LRRC69: variants seen among roughly 807,000 people sequenced by gnomAD.
The protein encoded by LRRC69 is leucine-rich repeat-containing protein 69.
A neutral mutation model predicts 37.8 loss-of-function variants in LRRC69; 42 were observed. The ratio of observed to expected loss-of-function variants is 1.11; its 90% CI spans 0.87 to 1.44. LRRC69 has a LOEUF of 1.44. Among genes scored for constraint, LRRC69 ranks in the 40% most tolerant of loss-of-function variants. The pLI, the probability that LRRC69 is intolerant of heterozygous loss-of-function variation, is 0.00. For missense variants in LRRC69, 357 were observed against 401.9 expected (o/e 0.89, Z 0.96); for synonymous variants, 141 against 143.1 (o/e 0.99, Z 0.11).
At chr8:91,156,005 G>T (rs1355902165) in intron 5 of LRRC69, among the ~76,000 whole-genome samples, 1 of 149,544 alleles carries the variant, frequency 6.7e-6, no homozygotes, top group Non-Finnish European at 1.5e-5. Flanking sequence ...ACTACATATT[G>T]TACTACTGTA....
chr8:91,134,398 T>C (rs1813867673), intron 4 of LRRC69, among the ~76,000 whole-genome samples: 1 of 151,624 alleles, frequency 6.6e-6, no homozygotes, highest in African/African-American at 2.4e-5. Flanking sequence ...GGTGTAAATC[T>C]TAGAGTCTAA....
intron 5 of LRRC69, among the ~76,000 whole-genome samples, chr8:91,156,953 T>C (rs1194951794): frequency 2.0e-5 from 3 of 151,358 alleles, no homozygotes; most frequent in African/African-American, 7.3e-5. Flanking sequence ...TTCTGGGTTC[T>C]CTATTCTGTT....
Position 91,189,641 on chromosome 8 carries a change from T to A in LRRC69, c.753+18T>A. The stretch of plus-strand genomic sequence containing the variant: ...GTCTACAGGTGAAGACTTACCTCAT[T>A]AACTTAAGTCTTCAAACTAAAGCCA... On this transcript the variant is annotated intron_variant, in intron 6 of 7. Coordinates refer to ENST00000448384, the Ensembl canonical transcript of LRRC69. 1 of 1,457,324 alleles carries A rather than the reference T, an allele frequency of 6.9e-7. No individual in the cohort carries two copies. Among genetic ancestry groups the A allele is most frequent in the Non-Finnish European group, 9.3e-7 (1 of 1,077,652 alleles). 90.3% of individuals were successfully genotyped at this position (1,457,324 alleles called of 1,614,324 possible).
intron 1 of LRRC69, among the ~76,000 whole-genome samples, chr8:91,110,879 C>T (rs945996036): frequency 3.3e-5 from 5 of 151,882 alleles, no homozygotes; most frequent in Admixed American, 1.3e-4. Context: ...GCATGCAGCT[C>T]ATTAGAAGGA....
At chr8:91,183,049 C>G (rs368145511) in intron 5 of LRRC69, among the ~76,000 whole-genome samples, 6 of 152,020 alleles carry the variant, frequency 3.9e-5, no homozygotes, top group South Asian at 2.1e-4. Flanking sequence ...GCAGAAAGGC[C>G]CTAGAGTGAG....
intron 6 of LRRC69, among the ~76,000 whole-genome samples, chr8:91,196,668 G>C (rs560271235): frequency 7.8e-4 from 118 of 152,024 alleles, no homozygotes; most frequent in Non-Finnish European, 1.1e-3. Flanking sequence ...TCTTCCCGTA[G>C]TTCTCGAGCC....
intron 1 of LRRC69, among the ~76,000 whole-genome samples, chr8:91,107,827 C>T (rs1278631332): frequency 2.0e-5 from 3 of 151,996 alleles, no homozygotes; most frequent in African/African-American, 7.2e-5. Flanking sequence ...GACTGTGGCT[C>T]TTGAAATATG....
At chr8:91,213,238 G>A (rs374794365) in intron 7 of LRRC69, among the ~76,000 whole-genome samples, 186 of 152,150 alleles carry the variant, frequency 1.2e-3, no homozygotes, top group African/African-American at 4.2e-3. Context: ...TTTCTTTGTC[G>A]TTTCTGTTCT....
intron 5 of LRRC69, among the ~76,000 whole-genome samples, chr8:91,139,764 T>G (rs1388975308): frequency 6.6e-6 from 1 of 151,848 alleles, no homozygotes; most frequent in Non-Finnish European, 1.5e-5. Flanking sequence ...TTCATTATAT[T>G]TAATTTCCCA....
intron 2 of LRRC69, among the ~76,000 whole-genome samples, chr8:91,125,859 T>G (rs1813705291): frequency 6.6e-6 from 1 of 151,838 alleles, no homozygotes; most frequent in Non-Finnish European, 1.5e-5. Context: ...TTAGTTTCTA[T>G]ATTTCTTTTT....
chr8:91,173,542 A>T (rs13256248), intron 5 of LRRC69, among the ~76,000 whole-genome samples: 7,915 of 152,266 alleles, frequency 0.052, 275 homozygotes, highest in Middle Eastern at 0.16. Flanking sequence ...ACTTGTATCA[A>T]TTTACTAATA....
intron 7 of LRRC69, among the ~76,000 whole-genome samples, chr8:91,205,043 C>T (rs1809777247): frequency 6.6e-6 from 1 of 151,960 alleles, no homozygotes; most frequent in African/African-American, 2.4e-5. Flanking sequence ...TGCATCTTGT[C>T]CAAAACAAAT....
intron 5 of LRRC69, among the ~76,000 whole-genome samples, chr8:91,142,785 CCTT>C (rs1409675455): frequency 5.9e-5 from 9 of 151,984 alleles, no homozygotes; most frequent in Non-Finnish European, 1.0e-4. Flanking sequence ...TGTCAGGACT[CCTT>C]CTGCCTCTGA....
chr8:91,194,405 T>C (rs573359024), intron 6 of LRRC69, among the ~76,000 whole-genome samples: 1 of 151,958 alleles, frequency 6.6e-6, no homozygotes, highest in African/African-American at 2.4e-5. Context: ...TTGATTGGAA[T>C]AGTTTCAGAA....
intron 5 of LRRC69, among the ~76,000 whole-genome samples, chr8:91,182,990 A>G (rs1809348819): frequency 6.6e-6 from 1 of 152,182 alleles, no homozygotes; most frequent in South Asian, 2.1e-4. Context: ...ACGAACAACA[A>G]TCAGTGAGGT....
chr8:91,133,776 A>AG (rs1403937411), intron 4 of LRRC69, among the ~76,000 whole-genome samples: 1 of 151,910 alleles, frequency 6.6e-6, no homozygotes, highest in Non-Finnish European at 1.5e-5. Flanking sequence ...CTGGGATTAC[A>AG]GGCAGACACC....
chr8:91,206,946 T>G, intron 7 of LRRC69: 1 of 853,906 alleles, frequency 1.2e-6, no homozygotes, highest in Non-Finnish European at 1.5e-6. Context: ...GGGCTATGTT[T>G]CCTATGCTTT....
chr8:91,170,419 A>T (rs1482530317), intron 5 of LRRC69, among the ~76,000 whole-genome samples: 1 of 145,804 alleles, frequency 6.9e-6, no homozygotes, highest in Non-Finnish European at 1.5e-5. Context: ...GTTCATATGG[A>T]ACCAAAAAAG....
At chr8:91,197,710 G>A (rs1179290493) in intron 6 of LRRC69, among the ~76,000 whole-genome samples, 4 of 151,948 alleles carry the variant, frequency 2.6e-5, no homozygotes, top group African/African-American at 4.8e-5. Context: ...GCTCGCGCAC[G>A]GTGCGCGCAC....
Sources: allele counts gnomAD v4.1 joint callset (sites outside exome capture counted in the v4.1 genomes callset), GRCh38; gene constraint gnomAD v4.1.1; transcripts MANE v1.5; gene names NCBI Gene and HGNC (gene_info 2026-07-23, HGNC 2026-07-21).